ZNF721: variants seen among roughly 807,000 people sequenced by gnomAD.
ZNF721 encodes zinc finger protein 721.
Under a neutral mutation model 2.4 loss-of-function variants are expected in ZNF721, and 2 were observed. The observed-to-expected ratio is 0.82, with a 90% CI of 0.34 to 2.58. ZNF721 has a LOEUF of 2.58. Ranked by LOEUF, ZNF721 falls within the 30% of genes most tolerant of loss-of-function variation. The pLI, the probability that ZNF721 is intolerant of heterozygous loss-of-function variation, is 0.11. For missense variants in ZNF721, 1,187 were observed against 1,085.5 expected (o/e 1.09, Z -1.31); for synonymous variants, 398 against 381.8 (o/e 1.04, Z -0.50).
At position 442,511 on chromosome 4, in the gene ZNF721, TG is replaced by T. The variant is rs1560223186; in HGVS notation, c.1955del (p.Pro652HisfsTer5). ...TCGTGTGTTGATTCAGGTCTGTTGA[TG>T]GGGCAAAGGCTTTGCCACACTCTTC... The part of the protein sequence containing the change: ...KCEECGKAFA[P>X]STDLNQHTKI... On this transcript the variant is annotated frameshift_variant, in exon 3 of 3. Coordinates refer to ENST00000511833, the MANE Select transcript of ZNF721 (RefSeq NM_133474.4). LOFTEE classifies it low-confidence loss of function (END_TRUNC). The T allele has an allele frequency of 1.2e-6, 2 of 1,611,828 alleles. No individual in the cohort carries two copies. The highest frequency in any genetic ancestry group is 1.7e-6 in the Non-Finnish European group (2 of 1,178,846).
chr4:440,365 TTA>T lies in ZNF721; in HGVS notation c.*1328_*1329del, dbSNP rs1319475953. The stretch of plus-strand genomic sequence containing the variant: ...ATGAGAATGTTGAAATAGTATAATT[TTA>T]GAGTTGAATTATTTGCTTTTGAAAA... On this transcript the variant is annotated 3_prime_UTR_variant, in exon 3 of 3. Coordinates refer to ENST00000511833, the MANE Select transcript of ZNF721 (RefSeq NM_133474.4). The T allele has an allele frequency of 6.6e-6, 1 of 152,208 alleles. No homozygotes were observed. Among genetic ancestry groups the T allele is most frequent in the East Asian group, 1.9e-4 (1 of 5,196 alleles). 9.4% of individuals were successfully genotyped at this position (152,208 alleles called of 1,614,324 possible).
Position 441,836 on chromosome 4 carries a change from A to G in ZNF721, c.2631T>C (p.Ser877=). The part of the protein sequence containing the change: ...CGECGKTFRQ[S]ANLYAHKKIH... The stretch of plus-strand genomic sequence containing the variant: ...TTTTCTTATGCGCATAAAGATTTGC[A>G]GACTGTCTAAAGGTTTTGCCACATT... Residue 877 remains serine, a synonymous_variant, in exon 3 of 3, where the codon TCT becomes TCC. Coordinates refer to ENST00000511833, the MANE Select transcript of ZNF721 (RefSeq NM_133474.4). The G allele has an allele frequency of 6.2e-7, 1 of 1,612,158 alleles. No homozygotes were observed.
chr4:487,474 G>T (rs1226133164), intron 1 of ZNF721, among the ~76,000 whole-genome samples: 1 of 152,142 alleles, frequency 6.6e-6, no homozygotes, highest in Non-Finnish European at 1.5e-5. Flanking sequence ...CCAGAAGAAT[G>T]GCCCAGCTAA....
chr4:474,938 T>C (rs570871597), intron 1 of ZNF721, among the ~76,000 whole-genome samples: 1 of 148,946 alleles, frequency 6.7e-6, no homozygotes, highest in Non-Finnish European at 1.5e-5. Context: ...CCTGTAATCC[T>C]AGCACTTTGG....
At chr4:465,493 G>T (rs1715217518) in intron 2 of ZNF721, among the ~76,000 whole-genome samples, 1 of 150,484 alleles carries the variant, frequency 6.6e-6, no homozygotes, top group African/African-American at 2.4e-5. Context: ...GTGCAGTGGT[G>T]CCATCTCGGC....
intron 1 of ZNF721, among the ~76,000 whole-genome samples, chr4:480,559 T>C (rs1553869267): frequency 6.6e-6 from 1 of 152,136 alleles, no homozygotes. Flanking sequence ...CCCCTTTTAC[T>C]CTCTCTCCAG....
Position 441,470 on chromosome 4 carries a change from A to G in ZNF721, c.*225T>C, listed in dbSNP as rs1714232607. 7.3e-6 allele frequency: 3 copies of G among 411,308 alleles called. No individual in the cohort carries two copies. The highest frequency in any genetic ancestry group is 1.2e-4 in the South Asian group (2 of 16,438). 25.5% of individuals were successfully genotyped at this position (411,308 alleles called of 1,614,324 possible). On this transcript the variant is annotated 3_prime_UTR_variant, in exon 3 of 3. Coordinates refer to ENST00000511833, the MANE Select transcript of ZNF721 (RefSeq NM_133474.4). ...TTAATTTTAATTTGGCTTCTCATCA[A>G]TATAATTACTCTTATGTCTACAACA...
chr4:443,241 C>A lies in ZNF721; in HGVS notation c.1226G>T (p.Arg409Ile), dbSNP rs782506745. 1.2e-6 allele frequency: 2 copies of A among 1,613,746 alleles called. No homozygotes were observed. The highest frequency in any genetic ancestry group is 1.3e-5 in the African/African-American group (1 of 74,840). The change falls in exon 3 of 3, where the codon AGA (arginine) becomes ATA (isoleucine). Residue 409 changes from arginine to isoleucine, a missense_variant. Arg to Ile is a moderately conservative substitution (Grantham distance 97). Transcript: ENST00000511833. Reference sequence around the variant, plus strand: ...GTAGGGTTTCTCTCTGGTGTGAATTCTCTTATGTGCAGTAAGGTTTGTTGA... The same window carrying A: ...GTAGGGTTTCTCTCTGGTGTGAATTATCTTATGTGCAGTAAGGTTTGTTGA... ...NSSTNLTAHK[R>I]IHTREKPYTC...
intron 1 of ZNF721, among the ~76,000 whole-genome samples, chr4:489,359 T>A (rs1190621022): frequency 6.6e-6 from 1 of 152,238 alleles, no homozygotes; most frequent in Admixed American, 6.5e-5. Flanking sequence ...CCCCTCTTAC[T>A]GCTGAGAGGT....
At position 469,414 on chromosome 4, in the gene ZNF721, T is replaced by C. The variant is rs144646605; in HGVS notation, c.34+3161A>G. Among the ~76,000 whole-genome samples, 342 of 152,290 alleles carry C rather than the reference T, an allele frequency of 2.2e-3. 2 individuals are homozygous for C. Among genetic ancestry groups the C allele is most frequent in the Non-Finnish European group, 3.6e-3 (248 of 68,010 alleles). ...AAAATCTAGTGTATAACAATAAATG[T>C]ATACACTAAATACAATAATGACAGA... is the stretch of plus-strand genomic sequence containing the variant. On this transcript the variant is annotated intron_variant, in intron 2 of 2. Coordinates refer to ENST00000511833, the MANE Select transcript of ZNF721 (RefSeq NM_133474.4).
rs781992255 is a variant in ZNF721 at position 443,258 on chromosome 4, G to A, written c.1209C>T (p.Asn403=). 12 of 1,613,930 alleles carry A rather than the reference G, an allele frequency of 7.4e-6. No homozygotes were observed. In the Admixed American group the frequency reaches 1.5e-4, roughly 20 times the overall value. The part of the protein sequence containing the change: ...ECGKAFNSST[N]LTAHKRIHTR... The stretch of plus-strand genomic sequence containing the variant: ...TGTGAATTCTCTTATGTGCAGTAAG[G>A]TTTGTTGAACTATTAAAGGCTTTGC... The change falls in exon 3 of 3, where the codon AAC becomes AAT. Residue 403 remains asparagine, a synonymous_variant. Transcript: ENST00000511833.
chr4:470,604 C>T (rs1458302362), intron 2 of ZNF721, among the ~76,000 whole-genome samples: 6 of 152,090 alleles, frequency 3.9e-5, no homozygotes, highest in African/African-American at 1.4e-4. Context: ...TTCCCAGCTA[C>T]TTGGGAGGCT....
chr4:482,105 T>A (rs532187479), intron 1 of ZNF721, among the ~76,000 whole-genome samples: 6 of 152,358 alleles, frequency 3.9e-5, no homozygotes, highest in African/African-American at 1.4e-4. Flanking sequence ...ACATTGTTGA[T>A]GAAATGCTCC....
In ZNF721 at chr4:499,139, G is replaced by C. The variant is rs782033513; in HGVS notation, c.-177C>G. 2.2e-5 allele frequency: 13 copies of C among 601,644 alleles called. No individual in the cohort carries two copies. The highest frequency in any genetic ancestry group is 3.1e-5 in the Non-Finnish European group (11 of 355,320). The allele number at this position is 601,644 out of a possible 1,614,324, so 37.3% of individuals were successfully genotyped here. A position where few individuals can be genotyped will look rare whatever the true frequency, so the allele number is the denominator to read the frequency against. Reference sequence around the variant, plus strand: ...AACACCGCCCGCTGTTCGTATGTCCGAGGTGACGCCCCGCTGTGGCGGGCT... The same window carrying C: ...AACACCGCCCGCTGTTCGTATGTCCCAGGTGACGCCCCGCTGTGGCGGGCT... On this transcript the variant is annotated 5_prime_UTR_variant, in exon 1 of 3. Transcript: ENST00000511833.
At chr4:450,111 T>C (rs1197663620) in intron 2 of ZNF721, among the ~76,000 whole-genome samples, 1 of 152,218 alleles carries the variant, frequency 6.6e-6, no homozygotes, top group Non-Finnish European at 1.5e-5. Flanking sequence ...AATTGCTGGA[T>C]CACATGTTCT....
intron 1 of ZNF721, among the ~76,000 whole-genome samples, chr4:485,772 G>C (rs1363909339): frequency 1.3e-5 from 2 of 152,114 alleles, no homozygotes; most frequent in South Asian, 2.1e-4. Context: ...TCAAGAGATC[G>C]AGACCATCCT....
At chr4:471,996 G>A (rs975758635) in intron 2 of ZNF721, among the ~76,000 whole-genome samples, 1 of 152,168 alleles carries the variant, frequency 6.6e-6, no homozygotes, top group Non-Finnish European at 1.5e-5. Flanking sequence ...TTTATATGAA[G>A]CAATGTTGCT....
intron 2 of ZNF721, among the ~76,000 whole-genome samples, chr4:457,928 A>T (rs1714895012): frequency 6.6e-6 from 1 of 152,186 alleles, no homozygotes; most frequent in Non-Finnish European, 1.5e-5. Context: ...CAACCCAGAA[A>T]TCTGGAGGGA....
chr4:459,133 T>C (rs1469153527), intron 2 of ZNF721, among the ~76,000 whole-genome samples: 2 of 152,134 alleles, frequency 1.3e-5, no homozygotes, highest in Non-Finnish European at 2.9e-5. Flanking sequence ...AGGCCTGCCT[T>C]AGAAGAGCTC....
Sources: gnomAD v4.1 joint callset for allele counts (sites outside exome capture counted in the v4.1 genomes callset) on GRCh38, gnomAD v4.1.1 for gene constraint, MANE v1.5 for transcripts, NCBI Gene and HGNC (gene_info 2026-07-23, HGNC 2026-07-21) for gene names.